PCM1: variants seen among roughly 807,000 people sequenced by gnomAD.
PCM1 encodes the protein pericentriolar material 1, also known as pericentriolar material 1 protein.
A neutral mutation model predicts 241.9 loss-of-function variants in PCM1; 157 were observed. The ratio of observed to expected loss-of-function variants is 0.65; its 90% confidence interval spans 0.57 to 0.74. PCM1 has a LOEUF of 0.74. Ranked by LOEUF, PCM1 falls within the 30% of genes least tolerant of loss-of-function variation. PCM1 has a pLI of 0.00. For synonymous variants in PCM1, 1,085 were observed against 784.9 expected, an observed-to-expected ratio of 1.38 and a Z score of -6.39; for missense variants, 3,478 against 2,360.1, an observed-to-expected ratio of 1.47 and a Z score of -9.81.
chr8:17,960,316 G>C lies in PCM1; in HGVS notation c.2194G>C (p.Glu732Gln). ...AATATAATGTCAATTTAATTGTAGA[G>C]AGAAATTTTATGAGGCTAAACTACA... ...KDTGVNEKAR[E>Q]KFYEAKLQQQ... Residue 732 changes from glutamate (E) to glutamine (Q), a missense_variant and splice_region_variant, in exon 15 of 39, where the codon GAG becomes CAG. Coordinates refer to ENST00000325083, the MANE Select transcript of PCM1 (RefSeq NM_006197.4). The C allele has an allele frequency of 6.3e-7, 1 of 1,591,778 alleles. No individual in the cohort carries two copies. Among genetic ancestry groups the C allele is most frequent in the South Asian group, 1.2e-5 (1 of 85,824 alleles).
intron 8 of PCM1, among the ~76,000 whole-genome samples, chr8:17,952,082 G>T (rs536781159): frequency 3.9e-5 from 6 of 152,182 alleles, no homozygotes; most frequent in Admixed American, 2.6e-4. Flanking sequence ...AATGAGCCAG[G>T]TGTGGAGGCA....
intron 29 of PCM1, among the ~76,000 whole-genome samples, chr8:17,998,178 C>G (rs569247025): frequency 6.6e-6 from 1 of 151,972 alleles, no homozygotes; most frequent in African/African-American, 2.4e-5. Flanking sequence ...TTATTTGGTC[C>G]CTTTGTTGAG....
chr8:17,936,985 G>T (rs2060614688), intron 3 of PCM1, 149 bp from the exon 4 acceptor site: 2 of 566,134 alleles, frequency 3.5e-6, no homozygotes, highest in Non-Finnish European at 3.0e-6. Context: ...TGGGTTAATA[G>T]AAGTAAATAT....
At chr8:18,023,619 AT>A (rs937031555) in intron 36 of PCM1, among the ~76,000 whole-genome samples, 2 of 152,166 alleles carry the variant, frequency 1.3e-5, no homozygotes, top group East Asian at 1.9e-4. Context: ...ATAAATCAGA[AT>A]TTTTTTTATC....
At position 17,960,299 on chromosome 8, in the gene PCM1, G is replaced by A. The variant is rs891265114; in HGVS notation, c.2193-16G>A. On this transcript the variant is annotated splice_polypyrimidine_tract_variant and intron_variant, in intron 14 of 38. Coordinates refer to ENST00000325083, the MANE Select transcript of PCM1 (RefSeq NM_006197.4). ...TTTTATTGGAGTCCATAAATATAAT[G>A]TCAATTTAATTGTAGAGAGAAATTT... 1 of 1,593,690 alleles carries A rather than the reference G, an allele frequency of 6.3e-7. No homozygotes were observed. The highest frequency in any genetic ancestry group is 8.5e-7 in the Non-Finnish European group (1 of 1,173,862).
At chr8:18,014,302 T>C (rs1222271654) in intron 35 of PCM1, among the ~76,000 whole-genome samples, 1 of 151,542 alleles carries the variant, frequency 6.6e-6, no homozygotes, top group East Asian at 1.9e-4. Flanking sequence ...ATACAAATAA[T>C]GGTAGATTTA....
At chr8:17,978,028 A>G (rs534166176) in intron 23 of PCM1, among the ~76,000 whole-genome samples, 2 of 152,338 alleles carry the variant, frequency 1.3e-5, no homozygotes, top group Non-Finnish European at 2.9e-5. Flanking sequence ...TGAACAAAAT[A>G]TTGAACAAAT....
At chr8:17,952,865 A>C (rs2066610195) in intron 8 of PCM1, 105 bp from the exon 9 acceptor site, 5 of 730,542 alleles carry the variant, frequency 6.8e-6, no homozygotes, top group Admixed American at 5.9e-5. Context: ...CAGCCTAGCA[A>C]ATATTTCTTT....
At chr8:18,014,111 A>AC in intron 35 of PCM1, 75 bp downstream of exon 35, 1 of 761,112 alleles carries the variant, frequency 1.3e-6, no homozygotes, top group East Asian at 3.0e-5. Context: ...AAAAAAAAAA[A>AC]CACACACAGA....
At chr8:17,984,611 C>G (rs1347999674) in intron 24 of PCM1, among the ~76,000 whole-genome samples, 1 of 151,802 alleles carries the variant, frequency 6.6e-6, no homozygotes, top group Non-Finnish European at 1.5e-5. Flanking sequence ...TCTATTAGAG[C>G]ACATTCTTTT....
intron 30 of PCM1, 97 bp from the exon 31 acceptor site, chr8:18,009,450 T>C: frequency 1.3e-6 from 1 of 747,054 alleles, no homozygotes; most frequent in Non-Finnish European, 2.2e-6. Flanking sequence ...TTAGTAATCA[T>C]AAACATTAGT....
chr8:17,981,077 T>C (rs2080590871), intron 24 of PCM1, among the ~76,000 whole-genome samples: 1 of 152,212 alleles, frequency 6.6e-6, no homozygotes, highest in South Asian at 2.1e-4. Flanking sequence ...CTTCAATCCT[T>C]TGGCTTACTG....
At chr8:17,973,851 G>C (rs999720884) in intron 23 of PCM1, among the ~76,000 whole-genome samples, 1 of 152,160 alleles carries the variant, frequency 6.6e-6, no homozygotes, top group African/African-American at 2.4e-5. Context: ...TAAATGCCCT[G>C]AGAAATCCTG....
intron 29 of PCM1, among the ~76,000 whole-genome samples, chr8:18,000,810 A>T (rs2089109229): frequency 6.6e-6 from 1 of 151,978 alleles, no homozygotes; most frequent in Non-Finnish European, 1.5e-5. Context: ...TTTAGTAGAG[A>T]TGGTGTTTCC....
chr8:17,938,263 C>CT (rs1034222731), intron 4 of PCM1, among the ~76,000 whole-genome samples: 2 of 152,114 alleles, frequency 1.3e-5, no homozygotes, highest in African/African-American at 4.8e-5. Flanking sequence ...CGCGTCAAAA[C>CT]TTTGTTTCGT....
At chr8:17,951,989 G>A (rs547795454) in intron 8 of PCM1, among the ~76,000 whole-genome samples, 71 of 152,164 alleles carry the variant, frequency 4.7e-4, no homozygotes, top group Non-Finnish European at 8.1e-4. Flanking sequence ...TTGGGAGGCC[G>A]AGGCGGGTGG....
intron 1 of PCM1, among the ~76,000 whole-genome samples, chr8:17,923,841 A>G (rs1265901107): frequency 2.0e-5 from 3 of 151,878 alleles, no homozygotes; most frequent in Non-Finnish European, 4.4e-5. Context: ...TGGGCCTAGA[A>G]CCGGGAAAGA....
At chr8:18,011,074 C>T (rs1041199690) in intron 32 of PCM1, among the ~76,000 whole-genome samples, 163 bp from the exon 33 acceptor site, 2 of 152,104 alleles carry the variant, frequency 1.3e-5, no homozygotes, top group Non-Finnish European at 2.9e-5. Flanking sequence ...ATCAAATGAC[C>T]TTTTTCCTGA....
At chr8:17,925,523 A>G (rs1210465520) in intron 2 of PCM1, 2 of 152,238 alleles carry the variant, frequency 1.3e-5, no homozygotes, top group African/African-American at 2.4e-5. Flanking sequence ...TAAAATTTTA[A>G]GAAAGTTCAT....
Sources: allele counts gnomAD v4.1 joint callset (sites outside exome capture counted in the v4.1 genomes callset), GRCh38; gene constraint gnomAD v4.1.1; transcripts MANE v1.5; gene names NCBI Gene and HGNC (gene_info 2026-07-23, HGNC 2026-07-21).